Variants in FSIP2 observed in about 807,000 individuals in gnomAD.
FSIP2 encodes the protein fibrous sheath interacting protein 2.
FSIP2 carries 367 observed loss-of-function variants against 510.5 expected under a neutral mutation model. That is an observed-to-expected ratio of 0.72 (90% confidence interval 0.66 to 0.78). The LOEUF (loss-of-function observed/expected upper bound fraction) is 0.78, where lower values mean the gene tolerates loss of function less well. Ranked by LOEUF, FSIP2 falls within the 30% of genes least tolerant of loss-of-function variation. The pLI is 0.00. For missense variants in FSIP2, 7,594 were observed against 7,901.7 expected (o/e 0.96, Z 1.48); for synonymous variants, 2,601 against 2,732.2 (o/e 0.95, Z 1.50).
rs547045326 is a variant in FSIP2 at position 185,798,406 on chromosome 2, CAT to C, written c.10390+881_10390+882del. 2.1e-3 allele frequency among the ~76,000 whole-genome samples: 316 copies of C among 151,946 alleles called. 2 individuals carry two copies. Among genetic ancestry groups the C allele is most frequent in the African/African-American group, 7.2e-3 (300 of 41,500 alleles). ...TTTGCATTATCTTTCTAAGTATACT[CAT>C]GTGTATATATTAGGTGAAACAACAT... On this transcript the variant is annotated intron_variant, in intron 16 of 22. Transcript: ENST00000424728.
In FSIP2 at chr2:185,789,900, A is replaced by T. The variant is rs758357105; in HGVS notation, c.2764A>T (p.Asn922Tyr). 9.1e-6 allele frequency: 14 copies of T among 1,533,090 alleles called. No individual in the cohort carries two copies. The highest frequency in any genetic ancestry group is 1.2e-5 in the Non-Finnish European group (14 of 1,144,628). The allele number at this position is 1,533,090 out of a possible 1,614,324, so 95.0% of individuals were successfully genotyped here. A position where few individuals can be genotyped will look rare whatever the true frequency, so the allele number is the denominator to read the frequency against. Residue 922 changes from asparagine (N) to tyrosine (Y), a missense_variant, in exon 16 of 23, where the codon AAT (asparagine) becomes TAT (tyrosine). Physicochemically the swap from Asn to Tyr is moderately radical, Grantham distance 143. Transcript: ENST00000424728. ...ILGYIQTELN[N>Y]ERIIASEETV... ...AGGTTATATACAAACTGAACTAAAT[A>T]ATGAGAGAATTATTGCATCTGAAGA...
chr2:185,782,049 G>T (rs999335575), intron 13 of FSIP2, among the ~76,000 whole-genome samples: 1 of 152,170 alleles, frequency 6.6e-6, no homozygotes, highest in African/African-American at 2.4e-5. Context: ...TGTTAGCCAG[G>T]ATGGTCTCGA....
Position 185,803,464 on chromosome 2 carries a change from C to T in FSIP2, c.14158C>T (p.Leu4720=), listed in dbSNP as rs562792071. 23 of 1,528,440 alleles carry T rather than the reference C, an allele frequency of 1.5e-5. 1 individual carries two copies. Among genetic ancestry groups the T allele is most frequent in the African/African-American group, 9.6e-5 (7 of 72,656 alleles). 94.7% of individuals were successfully genotyped at this position (1,528,440 alleles called of 1,614,324 possible). A position where few individuals can be genotyped will look rare whatever the true frequency, so the allele number is the denominator to read the frequency against. The change falls in exon 17 of 23, where the codon CTA becomes TTA. Residue 4720 remains leucine (L), a synonymous_variant. Coordinates refer to ENST00000424728, the MANE Select transcript of FSIP2 (RefSeq NM_173651.4). The stretch of plus-strand genomic sequence containing the variant: ...GGAAGTCGTGCCCAATAAAGATTTT[C>T]TAAATGACACAAAGACATTGGCTGC... ...EMEVVPNKDF[L]NDTKTLAARI...
At chr2:185,818,938 T>C in intron 19 of FSIP2, among the ~76,000 whole-genome samples, 1 of 152,066 alleles carries the variant, frequency 6.6e-6, no homozygotes, top group East Asian at 1.9e-4. Flanking sequence ...AAAATAGTAT[T>C]ATCATAATTT....
At chr2:185,754,153 C>A (rs1279369461) in intron 8 of FSIP2, among the ~76,000 whole-genome samples, 1 of 150,626 alleles carries the variant, frequency 6.6e-6, no homozygotes. Context: ...CTATTATATA[C>A]CAACATGGTG....
Position 185,747,375 on chromosome 2 carries a change from G to C in FSIP2, c.822G>C (p.Glu274Asp). The part of the protein sequence containing the change: ...TRMAEDVKRE[E>D]RIEEQQHRNR... ...TGGCAGAAGATGTTAAAAGAGAAGAGAGGATAGAAGAACAACAGCATAGAA... is the reference window on the plus strand; with the variant it reads ...TGGCAGAAGATGTTAAAAGAGAAGACAGGATAGAAGAACAACAGCATAGAA... Residue 274 changes from glutamate (E) to aspartate (D), a missense_variant, in exon 7 of 23, where the codon GAG (glutamate) becomes GAC (aspartate). Coordinates refer to ENST00000424728, the MANE Select transcript of FSIP2 (RefSeq NM_173651.4). 1 of 1,532,990 alleles carries C rather than the reference G, an allele frequency of 6.5e-7. No homozygotes were observed. Among genetic ancestry groups the C allele is most frequent in the Non-Finnish European group, 8.7e-7 (1 of 1,144,068 alleles). The allele number at this position is 1,532,990 out of a possible 1,614,324, so 95.0% of individuals were successfully genotyped here.
chr2:185,791,593 C>A lies in FSIP2; in HGVS notation c.4457C>A (p.Ala1486Glu). The part of the protein sequence containing the change: ...LQSNIQLISK[A>E]ILDYILAKLC... ...TCTAATATTCAGTTAATTTCTAAAGCAATTTTGGATTATATCCTTGCAAAA... is the reference window on the plus strand; with the variant it reads ...TCTAATATTCAGTTAATTTCTAAAGAAATTTTGGATTATATCCTTGCAAAA... Residue 1486 changes from alanine (A) to glutamate (E), a missense_variant, in exon 16 of 23, where the codon GCA becomes GAA. By Grantham distance (107) the Ala-to-Glu change is moderately radical (BLOSUM62 -1). Coordinates refer to ENST00000424728, the MANE Select transcript of FSIP2 (RefSeq NM_173651.4). 6.5e-7 allele frequency: 1 copy of A among 1,534,096 alleles called. No homozygotes were observed. Among genetic ancestry groups the A allele is most frequent in the Non-Finnish European group, 8.7e-7 (1 of 1,145,500 alleles).
intron 19 of FSIP2, among the ~76,000 whole-genome samples, chr2:185,815,847 T>C (rs983145501): frequency 6.6e-6 from 1 of 152,026 alleles, no homozygotes; most frequent in African/African-American, 2.4e-5. Flanking sequence ...GCTACTGTCA[T>C]TGCCTATAAG....
intron 13 of FSIP2, chr2:185,766,219 A>G (rs1692473925): frequency 2.0e-5 from 3 of 152,004 alleles, no homozygotes; most frequent in Admixed American, 2.0e-4. Context: ...AAACCCTAGA[A>G]GAAAACCTAG....
intron 1 of FSIP2, 42 bp downstream of exon 1, chr2:185,739,035 G>T: frequency 6.6e-7 from 1 of 1,515,460 alleles, no homozygotes; most frequent in Non-Finnish European, 8.8e-7. Context: ...TCTGGCGGCC[G>T]CAGGCCTGCT....
chr2:185,800,181 T>C lies in FSIP2; in HGVS notation c.10875T>C (p.Phe3625=), dbSNP rs1693397331. 1 of 1,532,774 alleles carries C rather than the reference T, an allele frequency of 6.5e-7. No individual in the cohort carries two copies. The highest frequency in any genetic ancestry group is 1.4e-5 in the African/African-American group (1 of 72,926). The allele number at this position is 1,532,774 out of a possible 1,614,324, so 94.9% of individuals were successfully genotyped here. The part of the protein sequence containing the change: ...LSKEIEVDYH[F]ESNVRNKSFS... ...AAGAAATAGAAGTAGATTATCACTT[T>C]GAAAGCAATGTAAGAAACAAATCAT... is the stretch of plus-strand genomic sequence containing the variant. The change falls in exon 17 of 23, where the codon TTT becomes TTC. Residue 3625 remains phenylalanine, a synonymous_variant. Coordinates refer to ENST00000424728, the MANE Select transcript of FSIP2 (RefSeq NM_173651.4).
At chr2:185,828,432 G>A (rs1694052675) in intron 21 of FSIP2, among the ~76,000 whole-genome samples, 1 of 151,768 alleles carries the variant, frequency 6.6e-6, no homozygotes, top group Non-Finnish European at 1.5e-5. Context: ...TTGTTTAGGG[G>A]CACAAAGTAA....
intron 14 of FSIP2, 133 bp from the exon 15 acceptor site, chr2:185,786,119 T>C: frequency 1.6e-6 from 1 of 621,572 alleles, no homozygotes. Flanking sequence ...AAAAACAGTG[T>C]ATTCTTCATT....
At chr2:185,779,279 G>A (rs1388620512) in intron 13 of FSIP2, among the ~76,000 whole-genome samples, 1 of 143,638 alleles carries the variant, frequency 7.0e-6, no homozygotes, top group African/African-American at 2.6e-5. Context: ...CTCTTAGAGT[G>A]CTAAATTTAG....
At chr2:185,814,094 A>T in intron 18 of FSIP2, 52 bp downstream of exon 18, 1 of 1,523,898 alleles carries the variant, frequency 6.6e-7, no homozygotes, top group Non-Finnish European at 8.9e-7. Context: ...CATCTTCACA[A>T]ATCTGGCCCA....
In FSIP2 at chr2:185,815,446, C is replaced by A. The variant is rs773284511; in HGVS notation, c.20401C>A (p.Gln6801Lys). The change falls in exon 19 of 23, where the codon CAA becomes AAA. Residue 6801 changes from glutamine to lysine, a missense_variant. Transcript: ENST00000424728. ...HRIMSSSSYN[Q>K]EDLISSTGEA... ...AATTATGAGTTCATCTTCATACAAC[C>A]AAGAAGATCTCATTTCATCTACTGG... 2.7e-5 allele frequency: 39 copies of A among 1,460,204 alleles called. No individual in the cohort carries two copies. The East Asian group carries it at 8.7e-4, about 32-fold the overall frequency. 90.5% of individuals were successfully genotyped at this position (1,460,204 alleles called of 1,614,324 possible).
chr2:185,832,551 T>C (rs1262123136), intron 22 of FSIP2, among the ~76,000 whole-genome samples: 1 of 151,750 alleles, frequency 6.6e-6, no homozygotes, highest in African/African-American at 2.4e-5. Context: ...CAGAAAAGTA[T>C]ATAAATATTT....
chr2:185,795,149 C>A lies in FSIP2; in HGVS notation c.8013C>A (p.Thr2671=), dbSNP rs1429206555. ...KAHLKTRSKI[T]TLPKFTKKTH... ...ATTTAAAAACAAGATCAAAAATTAC[C>A]ACTTTGCCTAAATTTACAAAAAAAA... Residue 2671 remains threonine, a synonymous_variant, in exon 16 of 23, where the codon ACC becomes ACA. Coordinates refer to ENST00000424728, the MANE Select transcript of FSIP2 (RefSeq NM_173651.4). 1 of 1,534,682 alleles carries A rather than the reference C, an allele frequency of 6.5e-7. No individual in the cohort carries two copies. The highest frequency in any genetic ancestry group is 8.7e-7 in the Non-Finnish European group (1 of 1,146,130).
chr2:185,796,179 G>T lies in FSIP2; in HGVS notation c.9043G>T (p.Glu3015Ter). ...DLQFKHISKYEFSEIVKMPIE... is the reference protein window; with the variant it reads ...DLQFKHISKY ...GCAGTTTAAACATATCTCCAAATAT[G>T]AGTTTTCTGAAATTGTGAAAATGCC... is the stretch of plus-strand genomic sequence containing the variant. The change falls in exon 16 of 23, where the codon GAG (glutamate) becomes TAG (stop). Residue 3015 changes from glutamate to a stop codon, truncating the protein, a stop_gained. Coordinates refer to ENST00000424728, the MANE Select transcript of FSIP2 (RefSeq NM_173651.4). LOFTEE classifies it high-confidence loss of function. The T allele has an allele frequency of 1.3e-6, 2 of 1,532,484 alleles. No homozygotes were observed. Among genetic ancestry groups the T allele is most frequent in the South Asian group, 2.4e-5 (2 of 83,506 alleles). 94.9% of individuals were successfully genotyped at this position (1,532,484 alleles called of 1,614,324 possible). A position where few individuals can be genotyped will look rare whatever the true frequency, so the allele number is the denominator to read the frequency against.
Sources: allele counts gnomAD v4.1 joint callset (sites outside exome capture counted in the v4.1 genomes callset), GRCh38; gene constraint gnomAD v4.1.1; transcripts MANE v1.5; gene names NCBI Gene and HGNC (gene_info 2026-07-23, HGNC 2026-07-21).